The following SECISBP2 variants were observed in gnomAD, a reference collection of about 807,000 sequenced individuals.
SECISBP2 encodes the protein SECIS binding protein 2, also known as selenocysteine insertion sequence-binding protein 2.
SECISBP2 carries 96 observed loss-of-function variants against 98.2 expected under a neutral mutation model. The ratio of observed to expected loss-of-function variants is 0.98; its 90% confidence interval spans 0.83 to 1.16. The LOEUF is 1.16. Ranked by LOEUF, SECISBP2 falls within the 50% of genes most tolerant of loss-of-function variation. The pLI is 0.00. For synonymous variants in SECISBP2, 407 were observed against 370.2 expected (o/e 1.10, Z -1.14); for missense variants, 1,046 against 1,022.9 (o/e 1.02, Z -0.31).
chr9:89,319,588 TTTG>T (rs745421544), intron 1 of SECISBP2, 61 bp from the exon 2 acceptor site: 152 of 1,588,506 alleles, frequency 9.6e-5, no homozygotes, highest in Middle Eastern at 1.7e-4. Flanking sequence ...CTTGGGTCTT[TTTG>T]TTTGTTTATA....
chr9:89,364,193 AC>A (rs1833216252), downstream of SECISBP2: 2 of 727,490 alleles, frequency 2.7e-6, no homozygotes, highest in Admixed American at 3.0e-5. Flanking sequence ...TTCAAAGCAC[AC>A]CTGTGTGGCC....
intron 2 of SECISBP2, among the ~76,000 whole-genome samples, chr9:89,321,111 A>G (rs996032670): frequency 4.6e-5 from 7 of 152,180 alleles, no homozygotes; most frequent in Non-Finnish European, 8.8e-5. Flanking sequence ...TGGTAGGAAT[A>G]CCCTATTTTT....
At chr9:89,326,158 A>ACCT in intron 4 of SECISBP2, 120 bp downstream of exon 4, 5 of 1,252,056 alleles carry the variant, frequency 4.0e-6, no homozygotes, top group Non-Finnish European at 5.7e-6. Context: ...AAGAAATGAG[A>ACCT]CCTGGGTCTG....
At chr9:89,320,773 C>CA (rs1564305681) in intron 2 of SECISBP2, among the ~76,000 whole-genome samples, 2 of 151,988 alleles carry the variant, frequency 1.3e-5, no homozygotes, top group South Asian at 4.1e-4. Flanking sequence ...TGAATTTAGA[C>CA]AAAAAAAGTA....
At chr9:89,341,583 C>T (rs1329746662) in intron 10 of SECISBP2, 104 bp downstream of exon 10, 1 of 1,333,828 alleles carries the variant, frequency 7.5e-7, no homozygotes, top group Non-Finnish European at 1.1e-6. Flanking sequence ...ATAGATAAAA[C>T]AGTGTGATGC....
At chr9:89,347,893 C>T (rs562945785) in intron 11 of SECISBP2, among the ~76,000 whole-genome samples, 186 bp from the exon 12 acceptor site, 8 of 152,258 alleles carry the variant, frequency 5.3e-5, no homozygotes, top group Non-Finnish European at 8.8e-5. Context: ...TTGGGAGGAA[C>T]GTGCCCCTCC....
intron 2 of SECISBP2, among the ~76,000 whole-genome samples, chr9:89,321,622 C>T (rs1201038645): frequency 1.3e-5 from 2 of 151,694 alleles, no homozygotes; most frequent in East Asian, 3.9e-4. Context: ...GCCAAGACTG[C>T]GCCACTGCAC....
downstream of SECISBP2, chr9:89,364,297 C>T: frequency 2.6e-6 from 1 of 380,078 alleles, no homozygotes; most frequent in Non-Finnish European, 5.1e-6. Context: ...CCACCATGGC[C>T]CTGCTGCCAC....
intron 14 of SECISBP2, chr9:89,355,218 A>T (rs918129831): frequency 3.0e-6 from 3 of 985,322 alleles, no homozygotes; most frequent in Non-Finnish European, 3.6e-6. Context: ...AGGTGATACT[A>T]TGCTAATTGT....
chr9:89,357,641 A>AG, intron 15 of SECISBP2, 76 bp downstream of exon 15: 2 of 1,560,324 alleles, frequency 1.3e-6, no homozygotes, highest in Non-Finnish European at 1.8e-6. Flanking sequence ...GTGTGGGCTC[A>AG]CCCACAGAGC....
At chr9:89,334,257 T>C in intron 6 of SECISBP2, 2 of 1,107,196 alleles carry the variant, frequency 1.8e-6, no homozygotes, top group South Asian at 3.4e-5. Context: ...CTACTGTTTG[T>C]CTACCCACCT....
downstream of SECISBP2, chr9:89,362,496 T>G: frequency 1.2e-6 from 2 of 1,613,746 alleles, no homozygotes; most frequent in Non-Finnish European, 1.7e-6. Flanking sequence ...TGCAGCCCAG[T>G]CTGTCTCATA....
At chr9:89,336,887 T>G (rs1406465051) in intron 7 of SECISBP2, among the ~76,000 whole-genome samples, 1 of 149,034 alleles carries the variant, frequency 6.7e-6, no homozygotes, top group Non-Finnish European at 1.5e-5. Context: ...TTCTCCTGCC[T>G]TAGTCTCCCA....
intron 13 of SECISBP2, 59 bp downstream of exon 13, chr9:89,349,988 T>A (rs1365682426): frequency 6.3e-7 from 1 of 1,588,652 alleles, no homozygotes; most frequent in East Asian, 2.2e-5. Flanking sequence ...CGGTTCAGTA[T>A]GGCATTGATA....
At chr9:89,323,944 T>C (rs899126409) in intron 2 of SECISBP2, 1 of 152,192 alleles carries the variant, frequency 6.6e-6, no homozygotes, top group African/African-American at 2.4e-5. Context: ...GTCTCCTGAC[T>C]CCTGGATGAA....
intron 11 of SECISBP2, 135 bp downstream of exon 11, chr9:89,347,183 T>C: frequency 1.1e-6 from 1 of 888,508 alleles, no homozygotes; most frequent in South Asian, 1.4e-5. Flanking sequence ...AACGTGTTAA[T>C]GATACTCCAA....
chr9:89,363,028 G>C (rs1351322902), downstream of SECISBP2, among the ~76,000 whole-genome samples: 1 of 152,176 alleles, frequency 6.6e-6, no homozygotes, highest in East Asian at 1.9e-4. Flanking sequence ...GGTGCCTCAG[G>C]TGAGGCATCC....
In SECISBP2 at chr9:89,328,912, C is replaced by T. The variant is rs770344638; in HGVS notation, c.801+26C>T. On this transcript the variant is annotated intron_variant, in intron 5 of 16. Transcript: ENST00000375807. ...GTGAGGTGAGGGTTTCTCTCTTTTT[C>T]TTTTTCCTTTGTACACTTTAAATTG... 5 of 1,556,690 alleles carry T rather than the reference C, an allele frequency of 3.2e-6. No homozygotes were observed. The South Asian group carries it at 5.6e-5, about 17-fold the overall frequency.
intron 5 of SECISBP2, among the ~76,000 whole-genome samples, chr9:89,330,751 G>A (rs1235553708): frequency 3.3e-5 from 5 of 152,188 alleles, no homozygotes; most frequent in Non-Finnish European, 7.4e-5. Context: ...GGGTTTGTGC[G>A]GTGGCTGAAT....
Sources: allele counts gnomAD v4.1 joint callset (sites outside exome capture counted in the v4.1 genomes callset), GRCh38; gene constraint gnomAD v4.1.1; transcripts MANE v1.5; gene names NCBI Gene and HGNC (gene_info 2026-07-23, HGNC 2026-07-21).